Variants in FBXO8 observed in about 807,000 individuals in gnomAD.
FBXO8 encodes F-box only protein 8.
FBXO8 carries 15 observed loss-of-function variants against 33.4 expected under a neutral mutation model. That is an observed-to-expected ratio of 0.45 (90% CI 0.30 to 0.69). The LOEUF is 0.69. Among genes scored for constraint, FBXO8 ranks in the 30% least tolerant of loss-of-function variants. The pLI, the probability that FBXO8 is intolerant of heterozygous loss-of-function variation, is 0.08. For synonymous variants in FBXO8, 132 were observed against 131.5 expected (o/e 1.00, Z -0.02); for missense variants, 274 against 380.3 (o/e 0.72, Z 2.32).
Position 174,275,405 on chromosome 4 carries a change from C to A in FBXO8, c.-9+8005G>T, listed in dbSNP as rs1409781091. Reference sequence around the variant, plus strand: ...TGGGGGATTGTATCAATGTCAAAATCCTGGTTTTGATAGTATATTATAGTT... The same window carrying A: ...TGGGGGATTGTATCAATGTCAAAATACTGGTTTTGATAGTATATTATAGTT... On this transcript the variant is annotated intron_variant, in intron 1 of 5. Coordinates refer to ENST00000393674, the MANE Select transcript of FBXO8 (RefSeq NM_012180.3). The surrounding 1 kb of genome is among the most constrained non-coding windows in gnomAD (Gnocchi z 4.4). Among the ~76,000 whole-genome samples the A allele has an allele frequency of 6.6e-6, 1 of 151,996 alleles. No homozygotes were observed. Among genetic ancestry groups the A allele is most frequent in the Non-Finnish European group, 1.5e-5 (1 of 67,988 alleles).
intron 3 of FBXO8, among the ~76,000 whole-genome samples, chr4:174,246,148 T>C (rs1283057963): frequency 6.6e-6 from 1 of 151,930 alleles, no homozygotes; most frequent in African/African-American, 2.4e-5. Context: ...GCCAAGAGCC[T>C]TCGAGTTAAA....
At chr4:174,238,650 GTATA>G (rs1344764093) in intron 5 of FBXO8, among the ~76,000 whole-genome samples, 1 of 149,258 alleles carries the variant, frequency 6.7e-6, no homozygotes, top group Non-Finnish European at 1.5e-5. Context: ...GTCTATATGT[GTATA>G]TAGACATAGA....
At chr4:174,280,326 A>G (rs7692518) in intron 1 of FBXO8, among the ~76,000 whole-genome samples, 1 of 152,046 alleles carries the variant, frequency 6.6e-6, no homozygotes, top group African/African-American at 2.4e-5. Context: ...CTATCGAAAA[A>G]AAAATAAGTC....
chr4:174,258,308 AG>A (rs1462589046), intron 3 of FBXO8, among the ~76,000 whole-genome samples: 2 of 152,174 alleles, frequency 1.3e-5, no homozygotes, highest in Non-Finnish European at 2.9e-5. Context: ...AAAAGGCATG[AG>A]AAAAAATGTG....
chr4:174,238,523 C>T (rs767180754), intron 5 of FBXO8, among the ~76,000 whole-genome samples: 3 of 151,166 alleles, frequency 2.0e-5, no homozygotes, highest in Non-Finnish European at 3.0e-5. Context: ...CATAAGCATA[C>T]AAACATACAC....
At chr4:174,239,700 A>G (rs1162776037) in intron 4 of FBXO8, among the ~76,000 whole-genome samples, 1 of 151,866 alleles carries the variant, frequency 6.6e-6, no homozygotes, top group Non-Finnish European at 1.5e-5. Context: ...ACAGCTTTGT[A>G]TATCTTTATA....
chr4:174,258,154 T>C (rs1736459660), intron 3 of FBXO8, among the ~76,000 whole-genome samples: 2 of 152,184 alleles, frequency 1.3e-5, no homozygotes, highest in African/African-American at 4.8e-5. Context: ...CATTTGAATA[T>C]GTAAGTGCAG....
chr4:174,270,620 ATTT>A lies in FBXO8; in HGVS notation c.-8-7523_-8-7521del, dbSNP rs768394345. ...TTCATGCTCATGTCTTAGGAATAGTATTTTTTTTTTTTTTTGAGATTTAGTCTT... is the reference window on the plus strand; with the variant it reads ...TTCATGCTCATGTCTTAGGAATAGTATTTTTTTTTTTTGAGATTTAGTCTT... On this transcript the variant is annotated intron_variant, in intron 1 of 5. Transcript: ENST00000393674. The surrounding 1 kb of genome is among the most constrained non-coding windows in gnomAD (Gnocchi z 4.6). 2.2e-4 allele frequency among the ~76,000 whole-genome samples: 31 copies of A among 142,602 alleles called. No individual in the cohort carries two copies. Among genetic ancestry groups the A allele is most frequent in the African/African-American group, 7.4e-4 (29 of 38,994 alleles). 93.6% of individuals were successfully genotyped at this position (142,602 alleles called of 152,430 possible).
intron 3 of FBXO8, among the ~76,000 whole-genome samples, chr4:174,243,436 G>A (rs1736086717): frequency 6.6e-6 from 1 of 150,756 alleles, no homozygotes; most frequent in Non-Finnish European, 1.5e-5. Context: ...AAAAAGACAT[G>A]AGAACAGATT....
In FBXO8 at chr4:174,261,048, C is replaced by A. The variant is rs546747362; in HGVS notation, c.330-1223G>T. ...AAATATCTAATTTAACATGAGACTA[C>A]CCTCTTAGTAGTTGATTTATACTGC... is the stretch of plus-strand genomic sequence containing the variant. On this transcript the variant is annotated intron_variant, in intron 2 of 5. Coordinates refer to ENST00000393674, the MANE Select transcript of FBXO8 (RefSeq NM_012180.3). The surrounding 1 kb of genome is among the most constrained non-coding windows in gnomAD (Gnocchi z 4.1). 1.4e-3 allele frequency among the ~76,000 whole-genome samples: 211 copies of A among 152,008 alleles called. 1 individual carries two copies. The highest frequency in any genetic ancestry group is 4.8e-3 in the African/African-American group (199 of 41,544).
In FBXO8 at chr4:174,267,892, C is replaced by G. The variant is rs1241982746; in HGVS notation, c.-8-4792G>C. On this transcript the variant is annotated intron_variant, in intron 1 of 5. Transcript: ENST00000393674. The surrounding 1 kb of genome is among the most constrained non-coding windows in gnomAD (Gnocchi z 4.7). ...AAAAGTTTCAAATTCAAAAAAAATT[C>G]AACACAAAATAAGTTTTTGTATTTG... Among the ~76,000 whole-genome samples, 1 of 152,082 alleles carries G rather than the reference C, an allele frequency of 6.6e-6. No individual in the cohort carries two copies. The highest frequency in any genetic ancestry group is 6.5e-5 in the Admixed American group (1 of 15,276).
At position 174,245,051 on chromosome 4, in the gene FBXO8, C is replaced by T. The variant is rs1736128949; in HGVS notation, c.457-3833G>A. Reference sequence around the variant, plus strand: ...CATGAAGCAATACATTAAAATTGTCCACATTTTATTTTTGAAACATATTAA... The same window carrying T: ...CATGAAGCAATACATTAAAATTGTCTACATTTTATTTTTGAAACATATTAA... On this transcript the variant is annotated intron_variant, in intron 3 of 5. Transcript: ENST00000393674. This position sits in a 1 kb window ranked among gnomAD's most constrained non-coding sequence, Gnocchi z 4.6. Among the ~76,000 whole-genome samples the T allele has an allele frequency of 6.6e-6, 1 of 151,496 alleles. No homozygotes were observed. Among genetic ancestry groups the T allele is most frequent in the Admixed American group, 6.6e-5 (1 of 15,160 alleles).
chr4:174,279,853 G>A (rs571569194), intron 1 of FBXO8, among the ~76,000 whole-genome samples: 144 of 152,124 alleles, frequency 9.5e-4, no homozygotes, highest in African/African-American at 3.3e-3. Flanking sequence ...AACTCAAAAT[G>A]GATCAAAGAC....
intron 5 of FBXO8, among the ~76,000 whole-genome samples, chr4:174,238,694 T>A (rs1020664926): frequency 2.7e-5 from 4 of 149,146 alleles, no homozygotes; most frequent in Admixed American, 6.7e-5. Context: ...TTGTAATATA[T>A]ATATTTATAT....
intron 4 of FBXO8, among the ~76,000 whole-genome samples, chr4:174,239,622 A>G (rs889444101): frequency 1.3e-5 from 2 of 151,922 alleles, no homozygotes; most frequent in Non-Finnish European, 2.9e-5. Flanking sequence ...TAGACTTTTA[A>G]GAATGCCTAC....
rs539655661 is a variant in FBXO8, at chr4:174,238,702, TA to T, written c.772+291del. On this transcript the variant is annotated intron_variant, in intron 5 of 5. Coordinates refer to ENST00000393674, the MANE Select transcript of FBXO8 (RefSeq NM_012180.3). ...TATAAATTTGTAATATATATATTTA[TA>T]TATAAATTTGTAGGTAATATATAAA... is the stretch of plus-strand genomic sequence containing the variant. Among the ~76,000 whole-genome samples, 208 of 149,100 alleles carry T rather than the reference TA, an allele frequency of 1.4e-3. 1 individual carries two copies. The highest frequency in any genetic ancestry group is 3.1e-3 in the South Asian group (15 of 4,780).
At position 174,256,441 on chromosome 4, in the gene FBXO8, A is replaced by C. The variant is rs892818349; in HGVS notation, c.456+3258T>G. Among the ~76,000 whole-genome samples the C allele has an allele frequency of 6.6e-6, 1 of 152,178 alleles. No homozygotes were observed. The highest frequency in any genetic ancestry group is 1.5e-5 in the Non-Finnish European group (1 of 68,024). On this transcript the variant is annotated intron_variant, in intron 3 of 5. Coordinates refer to ENST00000393674, the MANE Select transcript of FBXO8 (RefSeq NM_012180.3). This position sits in a 1 kb window ranked among gnomAD's most constrained non-coding sequence, Gnocchi z 4.6. Reference sequence around the variant, plus strand: ...CTGCCTAATTTTGAGCACTCAAAAAACTTGGCAAGAGTCATTCTAAAGTCT... The same window carrying C: ...CTGCCTAATTTTGAGCACTCAAAAACCTTGGCAAGAGTCATTCTAAAGTCT...
Position 174,253,728 on chromosome 4 carries a change from G to T in FBXO8, c.456+5971C>A, listed in dbSNP as rs1239888795. Among the ~76,000 whole-genome samples, 1 of 152,190 alleles carries T rather than the reference G, an allele frequency of 6.6e-6. No homozygotes were observed. Among genetic ancestry groups the T allele is most frequent in the Non-Finnish European group, 1.5e-5 (1 of 68,038 alleles). On this transcript the variant is annotated intron_variant, in intron 3 of 5. Coordinates refer to ENST00000393674, the MANE Select transcript of FBXO8 (RefSeq NM_012180.3). The surrounding 1 kb of genome is among the most constrained non-coding windows in gnomAD (Gnocchi z 4.5). Reference sequence around the variant, plus strand: ...TATTCTATTCGCTAGTGCTCTAGGGGTGCTCGTGTGATTCAATTATGTTCT... The same window carrying T: ...TATTCTATTCGCTAGTGCTCTAGGGTTGCTCGTGTGATTCAATTATGTTCT...
At chr4:174,279,384 A>C (rs1332428575) in intron 1 of FBXO8, among the ~76,000 whole-genome samples, 2 of 152,126 alleles carry the variant, frequency 1.3e-5, no homozygotes, top group African/African-American at 2.4e-5. Context: ...ATGGAAGTAC[A>C]TCCTGTGGTT....
Sources: gnomAD v4.1 joint callset for allele counts (sites outside exome capture counted in the v4.1 genomes callset) on GRCh38, gnomAD v4.1.1 for gene constraint, Gnocchi (gnomAD v3.1) non-coding constraint, MANE v1.5 for transcripts, NCBI Gene and HGNC (gene_info 2026-07-23, HGNC 2026-07-21) for gene names.